CLSTN2: variants seen among roughly 807,000 people sequenced by gnomAD.
CLSTN2 encodes the protein calsyntenin-2.
A neutral mutation model predicts 101.2 loss-of-function variants in CLSTN2; 48 were observed. The ratio of observed to expected loss-of-function variants is 0.47; its 90% CI spans 0.38 to 0.60. The LOEUF is 0.60. Ranked by LOEUF, CLSTN2 falls within the 20% of genes least tolerant of loss-of-function variation. The pLI is 0.00. For missense variants in CLSTN2, 1,160 were observed against 1,238.2 expected (o/e 0.94, Z 0.95); for synonymous variants, 481 against 463.6 (o/e 1.04, Z -0.48).
At position 140,055,010 on chromosome 3, in the gene CLSTN2, G is replaced by A. The variant is rs2008073491; in HGVS notation, c.109+119527G>A. ...TATGCCTGCAGGCTTATATATTGTT[G>A]TTTCTGAACTTGACAGGAAAATTGG... is the stretch of plus-strand genomic sequence containing the variant. On this transcript the variant is annotated intron_variant, in intron 1 of 16. Transcript: ENST00000458420. 2.0e-5 allele frequency among the ~76,000 whole-genome samples: 3 copies of A among 152,262 alleles called. No homozygotes were observed. In the East Asian group the frequency reaches 5.8e-4, roughly 29 times the overall value.
intron 1 of CLSTN2, among the ~76,000 whole-genome samples, chr3:140,067,018 C>A (rs1180652416): frequency 2.0e-5 from 3 of 152,128 alleles, no homozygotes; most frequent in Admixed American, 6.5e-5. Flanking sequence ...GATCCCTGAC[C>A]CTTTCCCCAA....
intron 1 of CLSTN2, among the ~76,000 whole-genome samples, chr3:140,144,914 G>A (rs2009758358): frequency 1.3e-5 from 2 of 152,176 alleles, no homozygotes; most frequent in Admixed American, 1.3e-4. Context: ...GCCTCCTTGT[G>A]AAGAGTTATT....
At chr3:139,964,570 G>A (rs1455805673) in intron 1 of CLSTN2, among the ~76,000 whole-genome samples, 2 of 152,244 alleles carry the variant, frequency 1.3e-5, no homozygotes, top group East Asian at 1.9e-4. Context: ...TTGGCAGGGG[G>A]GTCAAGGGGC....
rs1985584283 is a variant in CLSTN2 at position 140,572,381 on chromosome 3, T to C, written c.*6128T>C. ...AAATAACATGGTTGACAGCTGACATTCAGAGAAAATAAGACAGAAGCAGTC... is the reference window on the plus strand; with the variant it reads ...AAATAACATGGTTGACAGCTGACATCCAGAGAAAATAAGACAGAAGCAGTC... On this transcript the variant is annotated 3_prime_UTR_variant, in exon 17 of 17. Transcript: ENST00000458420. 6.6e-6 allele frequency: 1 copy of C among 152,214 alleles called. No individual in the cohort carries two copies. Among genetic ancestry groups the C allele is most frequent in the Non-Finnish European group, 1.5e-5 (1 of 68,052 alleles). 9.4% of individuals were successfully genotyped at this position (152,214 alleles called of 1,614,324 possible).
At chr3:140,565,833 G>A (rs1432564492) in intron 16 of CLSTN2, among the ~76,000 whole-genome samples, 2 of 152,196 alleles carry the variant, frequency 1.3e-5, no homozygotes, top group Admixed American at 6.5e-5. Flanking sequence ...TTCATGCCTT[G>A]GAATTTGCTA....
At chr3:140,011,196 C>T (rs924716659) in intron 1 of CLSTN2, among the ~76,000 whole-genome samples, 4 of 152,184 alleles carry the variant, frequency 2.6e-5, no homozygotes, top group African/African-American at 9.7e-5. Context: ...GGTTAGGGAG[C>T]AATGTTTTCA....
At chr3:140,363,198 A>C (rs984540162) in intron 2 of CLSTN2, among the ~76,000 whole-genome samples, 5 of 152,222 alleles carry the variant, frequency 3.3e-5, no homozygotes, top group Admixed American at 6.5e-5. Flanking sequence ...TCTCAAAAAC[A>C]CTATGCTAAA....
intron 1 of CLSTN2, among the ~76,000 whole-genome samples, chr3:140,160,614 T>C (rs1272203533): frequency 6.6e-6 from 1 of 151,258 alleles, no homozygotes; most frequent in African/African-American, 2.5e-5. Flanking sequence ...ACAGTGTCTA[T>C]TCATCCTATT....
At chr3:140,464,176 C>G (rs917426614) in intron 7 of CLSTN2, among the ~76,000 whole-genome samples, 1 of 152,140 alleles carries the variant, frequency 6.6e-6, no homozygotes, top group Non-Finnish European at 1.5e-5. Flanking sequence ...ATTCCCCTAC[C>G]TCTGACCATG....
At chr3:140,320,794 G>A (rs151100276) in intron 2 of CLSTN2, among the ~76,000 whole-genome samples, 8 of 152,298 alleles carry the variant, frequency 5.3e-5, no homozygotes, top group Non-Finnish European at 1.2e-4. Flanking sequence ...TTTGAGGGAT[G>A]CAACTACAGC....
chr3:139,967,392 G>C (rs1440357654), intron 1 of CLSTN2, among the ~76,000 whole-genome samples: 4 of 152,282 alleles, frequency 2.6e-5, no homozygotes, highest in Admixed American at 2.6e-4. Flanking sequence ...TGGGCATTGG[G>C]GTCTATAAGA....
chr3:140,365,468 T>C (rs1441463091), intron 2 of CLSTN2, among the ~76,000 whole-genome samples: 2 of 152,176 alleles, frequency 1.3e-5, no homozygotes, highest in Non-Finnish European at 2.9e-5. Context: ...GTTTTCAAAA[T>C]CAATCAACAA....
chr3:140,096,993 A>T (rs893966711), intron 1 of CLSTN2, among the ~76,000 whole-genome samples: 2 of 152,122 alleles, frequency 1.3e-5, no homozygotes, highest in East Asian at 3.9e-4. Context: ...TTGGGTGCAG[A>T]TCAACTCCTT....
intron 8 of CLSTN2, among the ~76,000 whole-genome samples, chr3:140,497,692 G>T (rs910298797): frequency 5.9e-5 from 9 of 152,274 alleles, no homozygotes; most frequent in African/African-American, 2.2e-4. Flanking sequence ...TGTACGGATG[G>T]ATCTCCTGCC....
In CLSTN2 at chr3:140,404,609, C is replaced by T. The variant is rs143541782; in HGVS notation, c.480C>T (p.Phe160=). ...ATGTCAACGAGTTTGCTCCCACCTT[C>T]AAAGAGCCAGCCTACAAGGCTGTTG... ...VKDVNEFAPT[F]KEPAYKAVVT... The change falls in exon 4 of 17, where the codon TTC becomes TTT. Residue 160 remains phenylalanine, a synonymous_variant. Transcript: ENST00000458420. The T allele has an allele frequency of 4.4e-5, 71 of 1,614,106 alleles. No individual in the cohort carries two copies. Among genetic ancestry groups the T allele is most frequent in the Admixed American group, 1.5e-4 (9 of 60,016 alleles).
intron 2 of CLSTN2, among the ~76,000 whole-genome samples, chr3:140,266,927 T>C (rs571556489): frequency 1.2e-4 from 19 of 152,318 alleles, no homozygotes; most frequent in African/African-American, 4.6e-4. Flanking sequence ...AATGCTTTGT[T>C]AGAAAGAATG....
chr3:140,525,018 A>T (rs982060204), intron 8 of CLSTN2, among the ~76,000 whole-genome samples: 2 of 152,226 alleles, frequency 1.3e-5, no homozygotes, highest in East Asian at 3.8e-4. Flanking sequence ...TTAACAATCT[A>T]ACATCACACC....
At chr3:140,178,793 C>T (rs1476858936) in intron 2 of CLSTN2, among the ~76,000 whole-genome samples, 2 of 152,196 alleles carry the variant, frequency 1.3e-5, no homozygotes, top group African/African-American at 4.8e-5. Context: ...TATCTGCCAA[C>T]TCCATCACTC....
chr3:140,244,350 T>C (rs1359345048), intron 2 of CLSTN2, among the ~76,000 whole-genome samples: 4 of 152,206 alleles, frequency 2.6e-5, no homozygotes, highest in Non-Finnish European at 4.4e-5. Context: ...CTGACATCAC[T>C]GCCTTTCAGG....
Sources: allele counts gnomAD v4.1 joint callset (sites outside exome capture counted in the v4.1 genomes callset), GRCh38; gene constraint gnomAD v4.1.1; transcripts MANE v1.5; gene names NCBI Gene and HGNC (gene_info 2026-07-23, HGNC 2026-07-21).